PLA2G4F: variants seen among roughly 807,000 people sequenced by gnomAD.
The protein encoded by PLA2G4F is phospholipase A2 group IVF.
In PLA2G4F, 105 loss-of-function variants were observed where a neutral mutation model predicts 103.1. The observed-to-expected ratio is 1.02, with a 90% CI of 0.87 to 1.20. The LOEUF (loss-of-function observed/expected upper bound fraction) is 1.20. Among genes scored for constraint, PLA2G4F ranks in the 50% most tolerant of loss-of-function variants. PLA2G4F has a pLI of 0.00. For synonymous variants in PLA2G4F, 468 were observed against 441.1 expected, an observed-to-expected ratio of 1.06 and a Z score of -0.76; for missense variants, 1,155 against 1,075.9, an observed-to-expected ratio of 1.07 and a Z score of -1.03.
rs2048911410 is a variant in PLA2G4F, at chr15:42,147,896, G to A, written c.1060-134C>T. ...TTGAATCCTCACAGCAACCCAATGAGAACCCCATTTTCAGCCAGGCACAGT... is the reference window on the plus strand; with the variant it reads ...TTGAATCCTCACAGCAACCCAATGAAAACCCCATTTTCAGCCAGGCACAGT... On this transcript the variant is annotated intron_variant, in intron 11 of 19. Transcript: ENST00000397272. 3 of 1,372,086 alleles carry A rather than the reference G, an allele frequency of 2.2e-6. No homozygotes were observed. In the Admixed American group the frequency reaches 7.3e-5, roughly 33 times the overall value. The allele number at this position is 1,372,086 out of a possible 1,614,324, so 85.0% of individuals were successfully genotyped here.
Position 42,147,654 on chromosome 15 carries a change from AG to A in PLA2G4F, c.1167del (p.Tyr390ThrfsTer2). 1 of 1,614,074 alleles carries A rather than the reference AG, an allele frequency of 6.2e-7. No individual in the cohort carries two copies. Among genetic ancestry groups the A allele is most frequent in the Non-Finnish European group, 8.5e-7 (1 of 1,179,986 alleles). ...LQELGLLDTV[T>X]YLSGVSGSTW... is the part of the protein sequence containing the mutation. Reference sequence around the variant, plus strand: ...GTAGACCCAGAGACCCCACTCAGGTAGGTCACAGTGTCTAGAAGGCCGAGCT... The same window carrying A: ...GTAGACCCAGAGACCCCACTCAGGTAGTCACAGTGTCTAGAAGGCCGAGCT... On this transcript the variant is annotated frameshift_variant, in exon 12 of 20. Coordinates refer to ENST00000397272, the MANE Select transcript of PLA2G4F (RefSeq NM_213600.4). LOFTEE classifies it high-confidence loss of function.
At chr15:42,154,011 G>T in intron 4 of PLA2G4F, 81 bp downstream of exon 4, 1 of 1,593,412 alleles carries the variant, frequency 6.3e-7, no homozygotes, top group South Asian at 1.1e-5. Flanking sequence ...GGCCTGTGCC[G>T]ACCAGAGCCC....
rs529569846 is a variant in PLA2G4F, at chr15:42,146,879, C to G, written c.1419+245G>C. 2.5e-5 allele frequency: 12 copies of G among 477,880 alleles called. No homozygotes were observed. In the East Asian group the frequency reaches 3.5e-4, roughly 14 times the overall value. 29.6% of individuals were successfully genotyped at this position (477,880 alleles called of 1,614,324 possible). A position where few individuals can be genotyped will look rare whatever the true frequency, so the allele number is the denominator to read the frequency against. ...CATGGGTGTGTTTGAAAAGCTGCGC[C>G]GGTGATTCTAATATGCACCCAGAGC... On this transcript the variant is annotated intron_variant, in intron 13 of 19. Transcript: ENST00000397272.
rs200114279 is a variant in PLA2G4F, at chr15:42,153,608, A to G, written c.491+12T>C. 32 of 1,614,148 alleles carry G rather than the reference A, an allele frequency of 2.0e-5. No homozygotes were observed. Among genetic ancestry groups the G allele is most frequent in the Non-Finnish European group, 2.6e-5 (31 of 1,179,988 alleles). Reference sequence around the variant, plus strand: ...CTGAGTCTCTGAGGGCGTTGGCTCTACCAGAACTCACCTCTTCTCCAGAAC... The same window carrying G: ...CTGAGTCTCTGAGGGCGTTGGCTCTGCCAGAACTCACCTCTTCTCCAGAAC... On this transcript the variant is annotated intron_variant, in intron 5 of 19. Coordinates refer to ENST00000397272, the MANE Select transcript of PLA2G4F (RefSeq NM_213600.4).
rs1164328075 is a variant in PLA2G4F, at chr15:42,156,631, A to C, written c.-82T>G. On this transcript the variant is annotated 5_prime_UTR_variant, in exon 1 of 20. Coordinates refer to ENST00000397272, the MANE Select transcript of PLA2G4F (RefSeq NM_213600.4). Reference sequence around the variant, plus strand: ...AACTGCTGGCTCAGGTGTGACAGGCAGCACTGAGTTGGGAGGGTGGAGCTG... The same window carrying C: ...AACTGCTGGCTCAGGTGTGACAGGCCGCACTGAGTTGGGAGGGTGGAGCTG... 1 of 991,770 alleles carries C rather than the reference A, an allele frequency of 1.0e-6. No homozygotes were observed. Among genetic ancestry groups the C allele is most frequent in the East Asian group, 2.8e-5 (1 of 36,210 alleles). The allele number at this position is 991,770 out of a possible 1,614,324, so 61.4% of individuals were successfully genotyped here.
At chr15:42,154,597 G>T in intron 2 of PLA2G4F, 139 bp from the exon 3 acceptor site, 1 of 958,240 alleles carries the variant, frequency 1.0e-6, no homozygotes, top group Non-Finnish European at 1.5e-6. Flanking sequence ...TGAGGAGGTG[G>T]AGGGAGAGCC....
At chr15:42,142,761 A>C in intron 18 of PLA2G4F, 47 bp from the exon 19 acceptor site, 1 of 1,595,642 alleles carries the variant, frequency 6.3e-7, no homozygotes, top group Non-Finnish European at 8.6e-7. Flanking sequence ...CACCCTGGCC[A>C]CTCCCGCCGC....
Position 42,147,161 on chromosome 15 carries a change from A to C in PLA2G4F, c.1382T>G (p.Leu461Arg). ...GAGATACTCAACAAGGAGGCCCCAG[A>C]GGTCGATGAGGGACACGCTGTGGCC... ...RSGHSVSLID[L>R]WGLLVEYLLY... The change falls in exon 13 of 20, where the codon CTC (leucine) becomes CGC (arginine). Residue 461 changes from leucine (L) to arginine (R), a missense_variant. Physicochemically the swap from Leu to Arg is moderately radical, Grantham distance 102 (BLOSUM62 -2). Transcript: ENST00000397272. 1 of 1,612,860 alleles carries C rather than the reference A, an allele frequency of 6.2e-7. No homozygotes were observed. Among genetic ancestry groups the C allele is most frequent in the Non-Finnish European group, 8.5e-7 (1 of 1,179,946 alleles).
intron 11 of PLA2G4F, among the ~76,000 whole-genome samples, chr15:42,148,169 G>A (rs1478290636): frequency 1.7e-4 from 23 of 138,058 alleles, no homozygotes; most frequent in Admixed American, 4.5e-4. Context: ...GCGACAGAGC[G>A]AGACTCCGTC....
At chr15:42,153,975 T>C in intron 4 of PLA2G4F, 117 bp downstream of exon 4, 4 of 1,474,502 alleles carry the variant, frequency 2.7e-6, no homozygotes, top group Non-Finnish European at 3.7e-6. Flanking sequence ...GGCTGCGGGG[T>C]GGAGGAAGGT....
At position 42,147,361 on chromosome 15, in the gene PLA2G4F, T is replaced by G; in HGVS notation, c.1197-15A>C. ...TGGAGATGCACCTGGGGATTGGAGGTGTGCCTGAGTCAGGGGCAGGAGAGC... is the reference window on the plus strand; with the variant it reads ...TGGAGATGCACCTGGGGATTGGAGGGGTGCCTGAGTCAGGGGCAGGAGAGC... On this transcript the variant is annotated splice_polypyrimidine_tract_variant and intron_variant, in intron 12 of 19. Transcript: ENST00000397272. The G allele has an allele frequency of 6.3e-7, 1 of 1,598,708 alleles. No homozygotes were observed. The highest frequency in any genetic ancestry group is 8.5e-7 in the Non-Finnish European group (1 of 1,176,600).
intron 11 of PLA2G4F, chr15:42,149,294 AGAG>A (rs2048927877): frequency 6.3e-6 from 4 of 635,622 alleles, no homozygotes; most frequent in Non-Finnish European, 7.8e-6. Context: ...GGTCCTTAGA[AGAG>A]GAGGAGGAGA....
chr15:42,153,521 G>A, intron 5 of PLA2G4F, 99 bp downstream of exon 5: 2 of 1,537,408 alleles, frequency 1.3e-6, no homozygotes, highest in African/African-American at 2.7e-5. Flanking sequence ...CTCCAGGCCA[G>A]GCCTCCAAGG....
chr15:42,148,722 C>T, intron 11 of PLA2G4F: 1 of 985,414 alleles, frequency 1.0e-6, no homozygotes, highest in Non-Finnish European at 1.2e-6. Context: ...TCGGAGGTGC[C>T]TGAGGGGTCA....
Position 42,144,543 on chromosome 15 carries a change from A to C in PLA2G4F, c.1882T>G (p.Ser628Ala). 1 of 1,612,896 alleles carries C rather than the reference A, an allele frequency of 6.2e-7. No individual in the cohort carries two copies. Residue 628 changes from serine (S) to alanine (A), a missense_variant, in exon 17 of 20, where the codon TCC becomes GCC. Ser to Ala is a moderately conservative substitution (Grantham distance 99, BLOSUM62 1). Around this residue, in one of 3 missense-constraint regions of PLA2G4F, gnomAD observed 782 missense variants for 692.9 expected, o/e 1.13. Coordinates refer to ENST00000397272, the MANE Select transcript of PLA2G4F (RefSeq NM_213600.4). ...FSQAVLDIFT[S>A]RFTSAQSFNF... ...AAGCTCTGGGCGGAAGTGAAGCGGG[A>C]GGTGAATATGTCCAGCACAGCCTGG...
chr15:42,145,863 C>G lies in PLA2G4F; in HGVS notation c.1575G>C (p.Lys525Asn). The G allele has an allele frequency of 1.5e-5, 25 of 1,614,136 alleles. No individual in the cohort carries two copies. Among genetic ancestry groups the G allele is most frequent in the Non-Finnish European group, 2.0e-5 (24 of 1,180,042 alleles). The change falls in exon 15 of 20, where the codon AAG becomes AAC. Residue 525 changes from lysine to asparagine, a missense_variant. By Grantham distance (94) the Lys-to-Asn change is moderately conservative (BLOSUM62 0). This residue lies in a region of PLA2G4F where 782 missense variants were observed against 692.9 expected (regional missense o/e 1.13). Transcript: ENST00000397272. ...GCTCGGTGGGAACATAAGCCCCGTA[C>G]TTGGGGAAGCCAACCTCATAGGGCG... ...EFTPYEVGFP[K>N]YGAYVPTELF...
chr15:42,146,050 TACCCTGATC>T, intron 14 of PLA2G4F, 68 bp downstream of exon 14: 1 of 1,583,054 alleles, frequency 6.3e-7, no homozygotes, highest in Non-Finnish European at 8.7e-7. Flanking sequence ...CTCCTCTGGG[TACCCTGATC>T]ACCCTGGCCT....
In PLA2G4F at chr15:42,155,533, G is replaced by T; in HGVS notation, c.168C>A (p.Ile56=). 6.2e-7 allele frequency: 1 copy of T among 1,614,122 alleles called. No individual in the cohort carries two copies. The highest frequency in any genetic ancestry group is 1.1e-5 in the South Asian group (1 of 91,086). Reference sequence around the variant, plus strand: ...GTCACTCACGCAGGTCTGTGCCCCGGATGTTTGTGGCCCTCAGCACCTTCA... The same window carrying T: ...GTCACTCACGCAGGTCTGTGCCCCGTATGTTTGTGGCCCTCAGCACCTTCA... ...LQVKVLRATN[I]RGTDLLSKAD... The change falls in exon 2 of 20, where the codon ATC becomes ATA. Residue 56 remains isoleucine (I), a synonymous_variant. Coordinates refer to ENST00000397272, the MANE Select transcript of PLA2G4F (RefSeq NM_213600.4).
At chr15:42,150,048 T>C (rs2048938979) in intron 10 of PLA2G4F, 56 bp downstream of exon 10, 1 of 1,608,444 alleles carries the variant, frequency 6.2e-7, no homozygotes, top group Non-Finnish European at 8.5e-7. Flanking sequence ...CGTTGGGGTA[T>C]GTCCCCGCAC....
Sources: gnomAD v4.1 joint callset for allele counts (sites outside exome capture counted in the v4.1 genomes callset) on GRCh38, gnomAD v4.1.1 for gene constraint, gnomAD v4.1.1 regional missense constraint, MANE v1.5 for transcripts, NCBI Gene and HGNC (gene_info 2026-07-23, HGNC 2026-07-21) for gene names.